CDHR3: variants seen among roughly 807,000 people sequenced by gnomAD.
CDHR3 encodes the protein cadherin related family member 3.
CDHR3 carries 79 observed loss-of-function variants against 86.6 expected under a neutral mutation model. That is an observed-to-expected ratio of 0.91 (90% CI 0.76 to 1.10). The LOEUF (loss-of-function observed/expected upper bound fraction) is 1.10, where lower values mean the gene tolerates loss of function less well. CDHR3 is among the 50% of genes least tolerant of loss of function. The pLI is 0.00. For synonymous variants in CDHR3, 421 were observed against 402.4 expected (o/e 1.05, Z -0.55); for missense variants, 1,081 against 1,077.6 (o/e 1.00, Z -0.04).
chr7:106,010,383 G>A (rs1834617867), intron 8 of CDHR3, among the ~76,000 whole-genome samples: 1 of 152,188 alleles, frequency 6.6e-6, no homozygotes, highest in Non-Finnish European at 1.5e-5. Flanking sequence ...AAAGTGCTTG[G>A]TATGATACAG....
At chr7:106,004,460 C>T (rs1182728336) in intron 7 of CDHR3, 38 bp from the exon 8 acceptor site, 1 of 1,539,626 alleles carries the variant, frequency 6.5e-7, no homozygotes, top group Non-Finnish European at 8.9e-7. Flanking sequence ...CTTTTCATTT[C>T]TCTTCAAAGG....
At chr7:105,988,860 A>G (rs974397430) in intron 4 of CDHR3, among the ~76,000 whole-genome samples, 5 of 152,236 alleles carry the variant, frequency 3.3e-5, no homozygotes, top group African/African-American at 1.2e-4. Context: ...GTATACTCAA[A>G]ATATTTCAGC....
chr7:105,979,191 C>A (rs539066757), intron 2 of CDHR3, among the ~76,000 whole-genome samples: 14 of 152,236 alleles, frequency 9.2e-5, no homozygotes, highest in Non-Finnish European at 2.1e-4. Flanking sequence ...AAAACTAAGG[C>A]ACAGGAAGGT....
At chr7:106,007,802 G>T (rs1188731571) in intron 8 of CDHR3, among the ~76,000 whole-genome samples, 1 of 152,130 alleles carries the variant, frequency 6.6e-6, no homozygotes, top group East Asian at 1.9e-4. Flanking sequence ...TTCCAAAGTT[G>T]CTTCCACATT....
intron 4 of CDHR3, among the ~76,000 whole-genome samples, chr7:105,991,399 A>T (rs1302740019): frequency 6.6e-6 from 1 of 152,222 alleles, no homozygotes; most frequent in Admixed American, 6.5e-5. Flanking sequence ...AAGAAAAAAA[A>T]AATCAAGATT....
At chr7:106,022,976 T>G (rs1836801019) in intron 14 of CDHR3, among the ~76,000 whole-genome samples, 1 of 152,160 alleles carries the variant, frequency 6.6e-6, no homozygotes, top group South Asian at 2.1e-4. Context: ...ATTTAATGCC[T>G]ATAGTGTGCC....
intron 7 of CDHR3, among the ~76,000 whole-genome samples, chr7:106,004,176 A>G (rs1833619752): frequency 6.6e-6 from 1 of 152,116 alleles, no homozygotes; most frequent in African/African-American, 2.4e-5. Context: ...TGTGCCTTTC[A>G]GTTATAAATT....
intron 4 of CDHR3, among the ~76,000 whole-genome samples, chr7:105,985,833 G>A (rs1830439338): frequency 6.6e-6 from 1 of 152,070 alleles, no homozygotes; most frequent in African/African-American, 2.4e-5. Context: ...GAATGTGTTT[G>A]TCTGCAAATA....
chr7:106,031,628 T>C (rs1838381479), intron 18 of CDHR3, among the ~76,000 whole-genome samples: 1 of 152,192 alleles, frequency 6.6e-6, no homozygotes, highest in Admixed American at 6.5e-5. Context: ...CTTGTTACCA[T>C]AATGTGCCCA....
chr7:105,988,627 T>C (rs959857690), intron 4 of CDHR3, among the ~76,000 whole-genome samples: 1 of 152,232 alleles, frequency 6.6e-6, no homozygotes, highest in African/African-American at 2.4e-5. Flanking sequence ...GGTACTAATC[T>C]GGAAGCCACT....
At position 106,024,400 on chromosome 7, in the gene CDHR3, T is replaced by A; in HGVS notation, c.2096T>A (p.Val699Asp). Residue 699 changes from valine to aspartate, a missense_variant, in exon 15 of 19, where the codon GTC becomes GAC. Transcript: ENST00000317716. ...TTPRPRVTYQ[V>D]LRKNVYSPSA... ...TTCAAGCCCAGGGTCACCTATCAGG[T>A]CCTGAGGAAAAACGTTTACTCTCCA... 6.2e-7 allele frequency: 1 copy of A among 1,614,012 alleles called. No individual in the cohort carries two copies. Among genetic ancestry groups the A allele is most frequent in the Non-Finnish European group, 8.5e-7 (1 of 1,179,878 alleles).
rs1050482036 is a variant in CDHR3, at chr7:106,030,346, C to T, written c.2305-446C>T. 2.0e-5 allele frequency among the ~76,000 whole-genome samples: 3 copies of T among 152,188 alleles called. No individual in the cohort carries two copies. The highest frequency in any genetic ancestry group is 2.1e-4 in the South Asian group (1 of 4,834). On this transcript the variant is annotated intron_variant, in intron 17 of 18. Transcript: ENST00000317716. The surrounding 1 kb of genome is among the most constrained non-coding windows in gnomAD (Gnocchi z 4.8). ...GGCCAGAGTGCCAGGGCCAGAGGTACGGACACCTGGGAGCTCACCTGTGTC... is the reference window on the plus strand; with the variant it reads ...GGCCAGAGTGCCAGGGCCAGAGGTATGGACACCTGGGAGCTCACCTGTGTC...
At chr7:106,004,434 C>T in intron 7 of CDHR3, 64 bp from the exon 8 acceptor site, 1 of 1,342,492 alleles carries the variant, frequency 7.4e-7, no homozygotes, top group Non-Finnish European at 1.0e-6. Context: ...CCAGTTTTCT[C>T]CAAGTTTCTG....
intron 15 of CDHR3, 97 bp from the exon 16 acceptor site, chr7:106,026,585 A>T (rs1837371674): frequency 3.9e-6 from 5 of 1,291,578 alleles, no homozygotes; most frequent in Non-Finnish European, 5.6e-6. Context: ...CCTGTATCTC[A>T]AAGGGCATAG....
At chr7:105,991,300 G>T (rs528549569) in intron 4 of CDHR3, among the ~76,000 whole-genome samples, 28 of 152,018 alleles carry the variant, frequency 1.8e-4, no homozygotes, top group African/African-American at 6.5e-4. Context: ...TTAGTCTTTG[G>T]ATATTATCTC....
chr7:106,032,395 A>G lies in CDHR3; in HGVS notation c.2356A>G (p.Thr786Ala). The G allele has an allele frequency of 6.2e-7, 1 of 1,602,554 alleles. No homozygotes were observed. The stretch of plus-strand genomic sequence containing the variant: ...TTGTTGTATTTTTTTTTCACTAGTG[A>G]CCGGGGAAACATATGAATTCAACTC... ...IFDGEAIDPV[T>A]GETYEFNSKT... The change falls in exon 19 of 19, where the codon ACC (threonine) becomes GCC (alanine). Residue 786 changes from threonine to alanine, a missense_variant and splice_region_variant. Coordinates refer to ENST00000317716, the MANE Select transcript of CDHR3 (RefSeq NM_152750.5).
chr7:105,973,294 A>C (rs1002413454), intron 1 of CDHR3, among the ~76,000 whole-genome samples: 1 of 152,160 alleles, frequency 6.6e-6, no homozygotes, highest in Non-Finnish European at 1.5e-5. Context: ...TACATTTTGC[A>C]CTTATTTGTA....
chr7:105,975,478 T>G (rs1400060484), intron 2 of CDHR3, among the ~76,000 whole-genome samples: 1 of 152,230 alleles, frequency 6.6e-6, no homozygotes, highest in East Asian at 1.9e-4. Flanking sequence ...AGAGGAGACT[T>G]ATTTAATTAA....
chr7:106,000,082 T>C lies in CDHR3; in HGVS notation c.714-1380T>C, dbSNP rs190945998. Reference sequence around the variant, plus strand: ...TGGTTTTGGCTCCTGCCATCCCACCTCTTTGGCCCCATTCCACTTTGTCTA... The same window carrying C: ...TGGTTTTGGCTCCTGCCATCCCACCCCTTTGGCCCCATTCCACTTTGTCTA... On this transcript the variant is annotated intron_variant, in intron 6 of 18. Coordinates refer to ENST00000317716, the MANE Select transcript of CDHR3 (RefSeq NM_152750.5). 4.7e-4 allele frequency among the ~76,000 whole-genome samples: 71 copies of C among 152,346 alleles called. 1 individual carries two copies. In the East Asian group the frequency reaches 0.012, roughly 26 times the overall value.
Sources: allele counts gnomAD v4.1 joint callset (sites outside exome capture counted in the v4.1 genomes callset), GRCh38; gene constraint gnomAD v4.1.1; non-coding constraint Gnocchi (gnomAD v3.1); transcripts MANE v1.5; gene names NCBI Gene and HGNC (gene_info 2026-07-23, HGNC 2026-07-21).